The following SLC9C1 variants were observed in gnomAD, a reference collection of about 807,000 sequenced individuals.
SLC9C1 encodes solute carrier family 9 member C1, also known as sodium/hydrogen exchanger 10.
In SLC9C1, 97 loss-of-function variants were observed where a neutral mutation model predicts 140.9. The observed-to-expected ratio is 0.69, with a 90% CI of 0.58 to 0.82. SLC9C1 has a LOEUF of 0.82. Ranked by LOEUF, SLC9C1 falls within the 40% of genes least tolerant of loss-of-function variation. The pLI, the probability that SLC9C1 is intolerant of heterozygous loss-of-function variation, is 0.00. For missense variants in SLC9C1, 1,340 were observed against 1,389.3 expected, an observed-to-expected ratio of 0.96 and a Z score of 0.56; for synonymous variants, 440 against 442.6, an observed-to-expected ratio of 0.99 and a Z score of 0.07.
intron 23 of SLC9C1, among the ~76,000 whole-genome samples, chr3:112,170,983 G>A (rs2077235274): frequency 6.6e-6 from 1 of 152,338 alleles, no homozygotes. Context: ...GGAGGCTGAG[G>A]CGGGCTGAGC....
chr3:112,243,339 A>G (rs900625264), intron 11 of SLC9C1, among the ~76,000 whole-genome samples: 21 of 152,238 alleles, frequency 1.4e-4, no homozygotes, highest in Non-Finnish European at 2.9e-5. Flanking sequence ...AGCCATAAAA[A>G]AGAACAAGAT....
At chr3:112,198,386 C>G (rs548817977) in intron 20 of SLC9C1, among the ~76,000 whole-genome samples, 34 of 152,030 alleles carry the variant, frequency 2.2e-4, no homozygotes, top group Middle Eastern at 3.4e-3. Context: ...TCTCCTCTTT[C>G]CAAAATTTTC....
At chr3:112,168,799 G>T in intron 25 of SLC9C1, 78 bp downstream of exon 25, 5 of 1,294,792 alleles carry the variant, frequency 3.9e-6, no homozygotes, top group Non-Finnish European at 5.3e-6. Flanking sequence ...TAAGATTATA[G>T]TGACAGTTTT....
chr3:112,213,207 T>C (rs958654989), intron 15 of SLC9C1, among the ~76,000 whole-genome samples: 18 of 152,066 alleles, frequency 1.2e-4, no homozygotes, highest in Middle Eastern at 6.8e-3. Context: ...CTGAAGGAAG[T>C]ACTAAACATG....
At chr3:112,276,559 G>A (rs4682391) in intron 5 of SLC9C1, among the ~76,000 whole-genome samples, 43,625 of 151,794 alleles carry the variant, frequency 0.29, 6,401 homozygotes, top group Admixed American at 0.34. Flanking sequence ...GAAAGTAATG[G>A]CAAGATGGAC....
chr3:112,199,457 T>G lies in SLC9C1; in HGVS notation c.2387A>C (p.Tyr796Ser). ...AGTGACAGCAATTTCTGGGTGATCA[T>G]ACTCTAAGTAGCCTAAAAAATAACA... ...HAIKELGYLE[Y>S]DHPEIAVTVK... is the part of the protein sequence containing the mutation. Residue 796 changes from tyrosine (Y) to serine (S), a missense_variant, in exon 20 of 29, where the codon TAT becomes TCT. Tyr to Ser is a moderately radical substitution (Grantham distance 144, BLOSUM62 -2). Transcript: ENST00000305815. 2 of 1,574,358 alleles carry G rather than the reference T, an allele frequency of 1.3e-6. No homozygotes were observed. Among genetic ancestry groups the G allele is most frequent in the Non-Finnish European group, 1.7e-6 (2 of 1,166,106 alleles).
At position 112,286,580 on chromosome 3, in the gene SLC9C1, G is replaced by A. The variant is rs541805532; in HGVS notation, c.88+124C>T. On this transcript the variant is annotated intron_variant, in intron 2 of 28. Transcript: ENST00000305815. ...GGATTCATTTGATTGAAAATATTGA[G>A]CTAAAGGTATAAGTTTGAGAACAAA... 5.5e-5 allele frequency: 40 copies of A among 724,228 alleles called. No individual in the cohort carries two copies. The Admixed American group carries it at 9.9e-4, about 18-fold the overall frequency. The allele number at this position is 724,228 out of a possible 1,614,324, so 44.9% of individuals were successfully genotyped here.
intron 28 of SLC9C1, among the ~76,000 whole-genome samples, chr3:112,151,644 A>G (rs1039713979): frequency 6.6e-6 from 1 of 152,254 alleles, no homozygotes; most frequent in Non-Finnish European, 1.5e-5. Context: ...CCAGAATATT[A>G]TGAAGTTTTC....
chr3:112,267,326 C>A (rs540623439), intron 7 of SLC9C1, among the ~76,000 whole-genome samples: 1 of 151,942 alleles, frequency 6.6e-6, no homozygotes, highest in South Asian at 2.1e-4. Flanking sequence ...CCTGTAATCC[C>A]AGCACTTTGG....
At chr3:112,176,745 G>A (rs2077343974) in intron 23 of SLC9C1, among the ~76,000 whole-genome samples, 1 of 152,152 alleles carries the variant, frequency 6.6e-6, no homozygotes, top group Non-Finnish European at 1.5e-5. Context: ...ATTTGCTTGA[G>A]TGAATCAGTA....
intron 26 of SLC9C1, among the ~76,000 whole-genome samples, chr3:112,161,974 G>C (rs1349682717): frequency 2.0e-5 from 3 of 152,036 alleles, no homozygotes; most frequent in African/African-American, 7.3e-5. Flanking sequence ...TCTCCGTGAA[G>C]AGGTCCTTCA....
At chr3:112,220,329 C>G (rs996521145) in intron 14 of SLC9C1, among the ~76,000 whole-genome samples, 7 of 152,086 alleles carry the variant, frequency 4.6e-5, no homozygotes, top group Non-Finnish European at 7.4e-5. Context: ...TTCAGTGTAC[C>G]ACAAGGTTGT....
chr3:112,151,490 C>T (rs1351063874), intron 28 of SLC9C1: 3 of 519,746 alleles, frequency 5.8e-6, no homozygotes, highest in African/African-American at 5.8e-5. Context: ...GTCTTCTTAA[C>T]TAGAACATAA....
chr3:112,237,747 T>C (rs1331206015), intron 12 of SLC9C1, among the ~76,000 whole-genome samples: 8 of 152,204 alleles, frequency 5.3e-5, no homozygotes, highest in Non-Finnish European at 7.3e-5. Flanking sequence ...AAATTCTGGG[T>C]TGAAAATTCT....
intron 13 of SLC9C1, among the ~76,000 whole-genome samples, chr3:112,230,965 A>C (rs1030816053): frequency 2.6e-5 from 4 of 152,196 alleles, no homozygotes; most frequent in Admixed American, 1.3e-4. Context: ...GAGATGGGCA[A>C]TATCACAGAA....
intron 5 of SLC9C1, among the ~76,000 whole-genome samples, chr3:112,275,671 A>G (rs548910335): frequency 5.4e-4 from 83 of 152,296 alleles, no homozygotes; most frequent in African/African-American, 1.9e-3. Context: ...ATAGGAGGAA[A>G]TGTTATTATG....
intron 26 of SLC9C1, among the ~76,000 whole-genome samples, chr3:112,159,704 A>T (rs1465909262): frequency 1.3e-5 from 2 of 152,018 alleles, no homozygotes; most frequent in Non-Finnish European, 1.5e-5. Context: ...CTCCCTTTAG[A>T]TCTCTTAATA....
chr3:112,157,521 T>C (rs967639225), intron 26 of SLC9C1, among the ~76,000 whole-genome samples: 2 of 152,098 alleles, frequency 1.3e-5, no homozygotes, highest in Non-Finnish European at 2.9e-5. Flanking sequence ...TGGTTCCCTA[T>C]GGATTTTAGG....
intron 12 of SLC9C1, among the ~76,000 whole-genome samples, chr3:112,232,420 TATTG>T (rs2078853154): frequency 6.6e-6 from 1 of 152,090 alleles, no homozygotes; most frequent in Non-Finnish European, 1.5e-5. Flanking sequence ...CACAATCAGG[TATTG>T]GAAGCTACTA....
Sources: allele counts gnomAD v4.1 joint callset (sites outside exome capture counted in the v4.1 genomes callset), GRCh38; gene constraint gnomAD v4.1.1; transcripts MANE v1.5; gene names NCBI Gene and HGNC (gene_info 2026-07-23, HGNC 2026-07-21).